Variants in EYS observed in about 807,000 individuals in gnomAD.
EYS encodes the protein EGF-like photoreceptor maintenance factor.
A neutral mutation model predicts 282.1 loss-of-function variants in EYS; 250 were observed. The ratio of observed to expected loss-of-function variants is 0.89; its 90% CI spans 0.80 to 0.98. The LOEUF (loss-of-function observed/expected upper bound fraction) is 0.98. Ranked by LOEUF, EYS falls within the 50% of genes least tolerant of loss-of-function variation. The pLI, the probability that EYS is intolerant of heterozygous loss-of-function variation, is 0.00. For missense variants in EYS, 4,016 were observed against 3,709.0 expected, an observed-to-expected ratio of 1.08 and a Z score of -2.15; for synonymous variants, 1,355 against 1,282.9, an observed-to-expected ratio of 1.06 and a Z score of -1.20.
intron 12 of EYS, among the ~76,000 whole-genome samples, chr6:65,190,351 T>C (rs1044671775): frequency 6.7e-6 from 1 of 149,398 alleles, no homozygotes; most frequent in African/African-American, 2.4e-5. Flanking sequence ...GAAATATATG[T>C]AATATTACCT....
At position 65,322,057 on chromosome 6, in the gene EYS, AGAGATG is replaced by A. The variant is rs779679604; in HGVS notation, c.1766+12917_1766+12922del. ...TGAGATATTTGGCAAGGCAGAGAAA[AGAGATG>A]GAGACGCTTAGCCTAATTAATGTGC... On this transcript the variant is annotated intron_variant, in intron 11 of 42. Coordinates refer to ENST00000503581, the MANE Select transcript of EYS (RefSeq NM_001142800.2). 3.3e-3 allele frequency among the ~76,000 whole-genome samples: 510 copies of A among 152,338 alleles called. 2 individuals are homozygous for A. Among genetic ancestry groups the A allele is most frequent in the Admixed American group, 7.2e-3 (110 of 15,304 alleles).
At chr6:65,382,913 C>T (rs1765670822) in intron 8 of EYS, among the ~76,000 whole-genome samples, 1 of 151,920 alleles carries the variant, frequency 6.6e-6, no homozygotes, top group African/African-American at 2.4e-5. Flanking sequence ...ACAGACACAC[C>T]CAGGGTCAAT....
intron 32 of EYS, among the ~76,000 whole-genome samples, chr6:64,075,646 A>G (rs1771746745): frequency 6.6e-6 from 1 of 151,906 alleles, no homozygotes; most frequent in Admixed American, 6.6e-5. Context: ...AAATGGATAT[A>G]ACATTCGTAA....
chr6:64,736,647 T>C (rs1253723671), intron 22 of EYS, among the ~76,000 whole-genome samples: 1 of 152,212 alleles, frequency 6.6e-6, no homozygotes, highest in Non-Finnish European at 1.5e-5. Flanking sequence ...AATATTTTCC[T>C]GTTTTTAACA....
At chr6:64,999,917 C>G (rs1771408699) in intron 13 of EYS, among the ~76,000 whole-genome samples, 1 of 152,164 alleles carries the variant, frequency 6.6e-6, no homozygotes, top group Non-Finnish European at 1.5e-5. Flanking sequence ...CCAGTAAAAC[C>G]TTGCACTCAT....
At chr6:64,279,995 C>T (rs1249062839) in intron 30 of EYS, among the ~76,000 whole-genome samples, 2 of 152,118 alleles carry the variant, frequency 1.3e-5, no homozygotes, top group Non-Finnish European at 2.9e-5. Flanking sequence ...GCATGATTCA[C>T]TGGACACGGC....
chr6:64,790,331 CT>C (rs1438918871), intron 22 of EYS, among the ~76,000 whole-genome samples: 11 of 151,718 alleles, frequency 7.3e-5, no homozygotes, highest in Non-Finnish European at 1.2e-4. Flanking sequence ...CATACACCCC[CT>C]GAACCTAAAA....
rs142262169 is a variant in EYS, at chr6:63,789,500, TCTC to T, written c.7412-279_7412-277del. Among the ~76,000 whole-genome samples, 684 of 152,256 alleles carry T rather than the reference TCTC, an allele frequency of 4.5e-3. 5 individuals carry two copies. Among genetic ancestry groups the T allele is most frequent in the Non-Finnish European group, 7.9e-3 (537 of 68,010 alleles). On this transcript the variant is annotated intron_variant, in intron 37 of 42. Transcript: ENST00000503581. ...ACTAAAAAGTTGAATGGGATTAAAA[TCTC>T]CTTTTGTCGGAGTGAAATTCAGTGT...
chr6:65,078,324 A>G (rs1264032839), intron 12 of EYS, among the ~76,000 whole-genome samples: 1 of 152,166 alleles, frequency 6.6e-6, no homozygotes, highest in East Asian at 1.9e-4. Context: ...TAGAAATTAA[A>G]TAATGATTTA....
chr6:64,540,073 C>G (rs1209590160), intron 26 of EYS, among the ~76,000 whole-genome samples: 20 of 152,170 alleles, frequency 1.3e-4, no homozygotes, highest in Admixed American at 1.3e-3. Context: ...GCTTCACTGA[C>G]AAGTGGAATG....
At chr6:64,688,144 A>T (rs556272329) in intron 22 of EYS, among the ~76,000 whole-genome samples, 18 of 151,378 alleles carry the variant, frequency 1.2e-4, no homozygotes, top group African/African-American at 4.4e-4. Context: ...GCTAGCGGTC[A>T]ATCAATCTTG....
At chr6:64,236,901 C>G (rs1452743021) in intron 30 of EYS, among the ~76,000 whole-genome samples, 2 of 151,986 alleles carry the variant, frequency 1.3e-5, no homozygotes, top group East Asian at 3.9e-4. Context: ...CAACATGGCA[C>G]ATTTATATGT....
chr6:64,589,799 C>A (rs772605325), intron 26 of EYS, among the ~76,000 whole-genome samples: 27 of 151,844 alleles, frequency 1.8e-4, no homozygotes, highest in Non-Finnish European at 3.5e-4. Context: ...CAAGAAAGTT[C>A]CAGTGATTTC....
At chr6:64,221,350 T>C (rs1766095270) in intron 31 of EYS, among the ~76,000 whole-genome samples, 1 of 152,122 alleles carries the variant, frequency 6.6e-6, no homozygotes, top group South Asian at 2.1e-4. Flanking sequence ...GAATTCATTA[T>C]AAAAGGGGTA....
chr6:65,262,051 G>A (rs1313863809), intron 12 of EYS, among the ~76,000 whole-genome samples: 4 of 151,976 alleles, frequency 2.6e-5, no homozygotes, highest in Admixed American at 2.6e-4. Context: ...AAAGTACACT[G>A]ATCATGTTGA....
At chr6:65,000,431 TTGTAA>T (rs1393865226) in intron 13 of EYS, among the ~76,000 whole-genome samples, 1 of 152,216 alleles carries the variant, frequency 6.6e-6, no homozygotes, top group Non-Finnish European at 1.5e-5. Context: ...GAATGAAAGT[TTGTAA>T]TGTGACAAAA....
intron 1 of EYS, among the ~76,000 whole-genome samples, chr6:65,675,518 CA>C (rs1768553819): frequency 6.6e-6 from 1 of 151,720 alleles, no homozygotes; most frequent in African/African-American, 2.4e-5. Flanking sequence ...TGTCATAAAA[CA>C]AAAATAACAT....
Position 65,443,430 on chromosome 6 carries a change from A to G in EYS, c.863-38063T>C, listed in dbSNP as rs536948706. On this transcript the variant is annotated intron_variant, in intron 5 of 42. Transcript: ENST00000503581. ...CACATATAGCCATATATGTACATAT[A>G]TGTACACATATAGCCATATGTACAT... is the stretch of plus-strand genomic sequence containing the variant. Among the ~76,000 whole-genome samples the G allele has an allele frequency of 5.3e-5, 8 of 151,138 alleles. 1 individual carries two copies. The highest frequency in any genetic ancestry group is 3.5e-3 in the Middle Eastern group (1 of 286).
intron 22 of EYS, among the ~76,000 whole-genome samples, chr6:64,695,634 G>C (rs1277170985): frequency 2.0e-5 from 3 of 148,532 alleles, no homozygotes; most frequent in Non-Finnish European, 4.4e-5. Flanking sequence ...ACCCAGGCTG[G>C]AGTGCAGTGG....
Sources: gnomAD v4.1 joint callset for allele counts (sites outside exome capture counted in the v4.1 genomes callset) on GRCh38, gnomAD v4.1.1 for gene constraint, MANE v1.5 for transcripts, NCBI Gene and HGNC (gene_info 2026-07-23, HGNC 2026-07-21) for gene names.